Variants in INA observed in about 807,000 individuals in gnomAD.
The protein encoded by INA is internexin neuronal intermediate filament protein alpha.
Under a neutral mutation model 40.1 loss-of-function variants are expected in INA, and 35 were observed. The observed-to-expected ratio is 0.87, with a 90% CI of 0.67 to 1.16. INA has a LOEUF of 1.16. INA is among the 50% of genes most tolerant of loss of function. INA has a pLI of 0.00. For missense variants in INA, 594 were observed against 686.7 expected (o/e 0.87, Z 1.51); for synonymous variants, 290 against 316.9 (o/e 0.92, Z 0.90).
Position 103,280,692 on chromosome 10 carries a change from C to T in INA, c.1065+2416C>T, listed in dbSNP as rs374100159. 4.9e-5 allele frequency: 48 copies of T among 985,388 alleles called. No individual in the cohort carries two copies. The East Asian group carries it at 1.6e-3, about 33-fold the overall frequency. 61.0% of individuals were successfully genotyped at this position (985,388 alleles called of 1,614,324 possible). A position where few individuals can be genotyped will look rare whatever the true frequency, so the allele number is the denominator to read the frequency against. ...TTTTGAAAGGGTAAAAAATGATTCA[C>T]GGTGACACAGTAAGTACACAATAGT... On this transcript the variant is annotated intron_variant, in intron 1 of 2. Transcript: ENST00000369849.
chr10:103,288,310 G>T (rs1258007128), intron 2 of INA, 50 bp from the exon 3 acceptor site: 1 of 1,491,526 alleles, frequency 6.7e-7, no homozygotes, highest in South Asian at 1.3e-5. Context: ...TGAGTTCTGG[G>T]GGGGAAAAGT....
Position 103,277,807 on chromosome 10 carries a change from A to G in INA, c.596A>G (p.Gln199Arg), listed in dbSNP as rs2093063446. Residue 199 changes from glutamine (Q) to arginine (R), a missense_variant, in exon 1 of 3, where the codon CAG becomes CGG. Coordinates refer to ENST00000369849, the MANE Select transcript of INA (RefSeq NM_032727.4). The surrounding 1 kb of genome is among the most constrained non-coding windows in gnomAD (Gnocchi z 5.6). ...REGAERALKA[Q>R]QRDVDGATLA... ...GGCGCCGAGCGCGCCCTGAAGGCGC[A>G]GCAGCGCGACGTGGACGGCGCCACG... is the stretch of plus-strand genomic sequence containing the variant. 6.5e-7 allele frequency: 1 copy of G among 1,534,598 alleles called. No homozygotes were observed. Among genetic ancestry groups the G allele is most frequent in the Non-Finnish European group, 8.7e-7 (1 of 1,144,498 alleles).
chr10:103,277,534 T>C lies in INA; in HGVS notation c.323T>C (p.Phe108Ser). Residue 108 changes from phenylalanine (F) to serine (S), a missense_variant, in exon 1 of 3, where the codon TTC (phenylalanine) becomes TCC (serine). Transcript: ENST00000369849. This position sits in a 1 kb window ranked among gnomAD's most constrained non-coding sequence, Gnocchi z 5.6. Reference sequence around the variant, plus strand: ...GGCCTCAACGACCGCTTCGCCGTGTTCATCGAGAAGGTGCATCAGCTGGAG... The same window carrying C: ...GGCCTCAACGACCGCTTCGCCGTGTCCATCGAGAAGGTGCATCAGCTGGAG... ...LQGLNDRFAV[F>S]IEKVHQLETQ... 6.3e-7 allele frequency: 1 copy of C among 1,585,760 alleles called. No individual in the cohort carries two copies. The highest frequency in any genetic ancestry group is 8.5e-7 in the Non-Finnish European group (1 of 1,169,958).
chr10:103,282,671 CATT>C (rs1326273147), intron 1 of INA, among the ~76,000 whole-genome samples: 2 of 151,842 alleles, frequency 1.3e-5, no homozygotes, highest in Non-Finnish European at 2.9e-5. Context: ...TGGAAGGTGG[CATT>C]ATGTTTAGTG....
chr10:103,285,979 A>G (rs764998540), intron 1 of INA, among the ~76,000 whole-genome samples: 5 of 152,034 alleles, frequency 3.3e-5, no homozygotes, highest in Non-Finnish European at 7.4e-5. Flanking sequence ...GATAGAGGAA[A>G]TAACAAGCCT....
rs1159446755 is a variant in INA, at chr10:103,288,462, C to T, written c.1293C>T (p.Ile431=). Residue 431 remains isoleucine (I), a synonymous_variant, in exon 3 of 3, where the codon ATC becomes ATT. Transcript: ENST00000369849. ...PNPSYLLPPR[I]LSATTSKVSS... ...CAAGTTACCTGCTCCCACCTAGAAT[C>T]CTCAGTGCTACAACCTCCAAAGTCT... 1.2e-6 allele frequency: 2 copies of T among 1,613,890 alleles called. No homozygotes were observed. The highest frequency in any genetic ancestry group is 1.7e-5 in the Admixed American group (1 of 59,966).
rs567867005 is a variant in INA, at chr10:103,281,330, C to T, written c.1065+3054C>T. ...AACTAGTGGATCCTAAACCCAGTGACACTCTAAGGTCAATTGGGGGCTTAA... is the reference window on the plus strand; with the variant it reads ...AACTAGTGGATCCTAAACCCAGTGATACTCTAAGGTCAATTGGGGGCTTAA... On this transcript the variant is annotated intron_variant, in intron 1 of 2. Transcript: ENST00000369849. Among the ~76,000 whole-genome samples the T allele has an allele frequency of 2.6e-5, 4 of 152,240 alleles. No homozygotes were observed. In the South Asian group the frequency reaches 8.3e-4, roughly 32 times the overall value.
In INA at chr10:103,277,453, C is replaced by T. The variant is rs1220368862; in HGVS notation, c.242C>T (p.Ala81Val). 2.5e-6 allele frequency: 4 copies of T among 1,573,080 alleles called. No homozygotes were observed. The highest frequency in any genetic ancestry group is 2.5e-5 in the East Asian group (1 of 40,684). Reference sequence around the variant, plus strand: ...GACGGGCTGGACCTGAGCCAGGCGGCGGCGCGCACCAACGAGTACAAGATC... The same window carrying T: ...GACGGGCTGGACCTGAGCCAGGCGGTGGCGCGCACCAACGAGTACAAGATC... ...ASDGLDLSQA[A>V]ARTNEYKIIR... Residue 81 changes from alanine (A) to valine (V), a missense_variant, in exon 1 of 3, where the codon GCG (alanine) becomes GTG (valine). This residue lies in a region of INA where 215 missense variants were observed against 190.6 expected (regional missense o/e 1.13). Transcript: ENST00000369849. This position sits in a 1 kb window ranked among gnomAD's most constrained non-coding sequence, Gnocchi z 5.6.
Position 103,277,167 on chromosome 10 carries a change from T to C in INA, c.-45T>C. On this transcript the variant is annotated 5_prime_UTR_variant, in exon 1 of 3. Transcript: ENST00000369849. The surrounding 1 kb of genome is among the most constrained non-coding windows in gnomAD (Gnocchi z 5.6). ...TGCCTGCCGCACCTCTCCTTTCTTC[T>C]GTAGCTCGCGTTGAAGCCGCACGTC... The C allele has an allele frequency of 6.5e-7, 1 of 1,530,362 alleles. No individual in the cohort carries two copies. Among genetic ancestry groups the C allele is most frequent in the South Asian group, 1.2e-5 (1 of 81,588 alleles). 94.8% of individuals were successfully genotyped at this position (1,530,362 alleles called of 1,614,324 possible).
At chr10:103,279,353 C>T (rs958434029) in intron 1 of INA, among the ~76,000 whole-genome samples, 1 of 152,042 alleles carries the variant, frequency 6.6e-6, no homozygotes, top group East Asian at 1.9e-4. Context: ...GTATTTTTTC[C>T]ATATTTCCCT....
rs1378278779 is a variant in INA, at chr10:103,289,051, A to C, written c.*382A>C. On this transcript the variant is annotated 3_prime_UTR_variant, in exon 3 of 3. Transcript: ENST00000369849. Reference sequence around the variant, plus strand: ...AGCCATTACCCAGCTAAATAATCTTACTCTAGATACCTAAAACATAAGATC... The same window carrying C: ...AGCCATTACCCAGCTAAATAATCTTCCTCTAGATACCTAAAACATAAGATC... 1 of 157,822 alleles carries C rather than the reference A, an allele frequency of 6.3e-6. No homozygotes were observed. The highest frequency in any genetic ancestry group is 2.4e-5 in the African/African-American group (1 of 41,500). The allele number at this position is 157,822 out of a possible 1,614,324, so 9.8% of individuals were successfully genotyped here. A position where few individuals can be genotyped will look rare whatever the true frequency, so the allele number is the denominator to read the frequency against.
intron 1 of INA, chr10:103,280,836 A>G (rs1441061145): frequency 1.0e-6 from 1 of 985,328 alleles, no homozygotes; most frequent in Non-Finnish European, 1.2e-6. Context: ...CATTTCTGAC[A>G]TAGGGCAATG....
intron 2 of INA, 38 bp from the exon 3 acceptor site, chr10:103,288,322 A>G (rs961260181): frequency 2.6e-6 from 4 of 1,538,948 alleles, no homozygotes; most frequent in South Asian, 1.3e-5. Flanking sequence ...GGGAAAAGTT[A>G]TTGACTTCCT....
At chr10:103,281,898 A>T (rs1285193177) in intron 1 of INA, among the ~76,000 whole-genome samples, 2 of 152,222 alleles carry the variant, frequency 1.3e-5, no homozygotes, top group Admixed American at 1.3e-4. Context: ...GAGAGACCCC[A>T]GCTGGAGCTG....
Position 103,287,016 on chromosome 10 carries a change from T to C in INA, c.1066-19T>C. 6.2e-7 allele frequency: 1 copy of C among 1,612,358 alleles called. No individual in the cohort carries two copies. The highest frequency in any genetic ancestry group is 1.7e-4 in the Middle Eastern group (1 of 6,002). On this transcript the variant is annotated intron_variant, in intron 1 of 2. Coordinates refer to ENST00000369849, the MANE Select transcript of INA (RefSeq NM_032727.4). ...TTCAGCTGGTTTGGCCTAACTATTT[T>C]GGATATGTTACTTTTCAGGATAGCA...
At chr10:103,286,945 T>C (rs2093087687) in intron 1 of INA, 90 bp from the exon 2 acceptor site, 1 of 1,337,572 alleles carries the variant, frequency 7.5e-7, no homozygotes, top group South Asian at 1.3e-5. Context: ...GATTTTAATG[T>C]GTAGTCAGGG....
At chr10:103,280,067 C>T in intron 1 of INA, 1 of 1,243,876 alleles carries the variant, frequency 8.0e-7, no homozygotes, top group Non-Finnish European at 1.0e-6. Context: ...TGTTATAGCC[C>T]ATACATTCTA....
intron 1 of INA, 81 bp from the exon 2 acceptor site, chr10:103,286,954 G>A (rs1230219583): frequency 6.8e-7 from 1 of 1,463,648 alleles, no homozygotes. Context: ...GTGTAGTCAG[G>A]GCTGGGAATC....
At chr10:103,280,839 GGGCAAT>G in intron 1 of INA, 3 of 985,440 alleles carry the variant, frequency 3.0e-6, no homozygotes, top group Non-Finnish European at 3.6e-6. Flanking sequence ...TTCTGACATA[GGGCAAT>G]GCTGGTGCCT....
Sources: allele counts gnomAD v4.1 joint callset (sites outside exome capture counted in the v4.1 genomes callset), GRCh38; gene constraint gnomAD v4.1.1; regional missense constraint gnomAD v4.1.1; non-coding constraint Gnocchi (gnomAD v3.1); transcripts MANE v1.5; gene names NCBI Gene and HGNC (gene_info 2026-07-23, HGNC 2026-07-21).